The following CMTM8 variants were observed in gnomAD, a reference collection of about 807,000 sequenced individuals.
CMTM8 encodes CKLF like MARVEL transmembrane domain containing 8, also known as CKLF-like MARVEL transmembrane domain-containing protein 8.
CMTM8 carries 12 observed loss-of-function variants against 18.6 expected under a neutral mutation model. The observed-to-expected ratio is 0.65, with a 90% CI of 0.41 to 1.05. The LOEUF (loss-of-function observed/expected upper bound fraction) is 1.05. Ranked by LOEUF, CMTM8 falls within the 50% of genes least tolerant of loss-of-function variation. The pLI is 0.00. For synonymous variants in CMTM8, 87 were observed against 90.6 expected, an observed-to-expected ratio of 0.96 and a Z score of 0.23; for missense variants, 217 against 227.2, an observed-to-expected ratio of 0.95 and a Z score of 0.29.
At chr3:32,309,134 A>G (rs1047965927) in intron 1 of CMTM8, among the ~76,000 whole-genome samples, 3 of 152,024 alleles carry the variant, frequency 2.0e-5, no homozygotes, top group African/African-American at 4.8e-5. Flanking sequence ...TCATCTCCAG[A>G]CAAGCATCCT....
At position 32,334,345 on chromosome 3, in the gene CMTM8, G is replaced by A. The variant is rs550140808; in HGVS notation, c.148-23028G>A. ...CTATTGACCGAGCGTGGTGGCTCAC[G>A]CCTGTAATCCCAGCACTTTGGGAGG... On this transcript the variant is annotated intron_variant, in intron 1 of 3. Transcript: ENST00000307526. Among the ~76,000 whole-genome samples, 13 of 151,650 alleles carry A rather than the reference G, an allele frequency of 8.6e-5. 1 individual carries two copies. The East Asian group carries it at 2.4e-3, about 28-fold the overall frequency.
At chr3:32,350,070 T>C (rs945094085) in intron 1 of CMTM8, among the ~76,000 whole-genome samples, 1 of 152,062 alleles carries the variant, frequency 6.6e-6, no homozygotes, top group Non-Finnish European at 1.5e-5. Flanking sequence ...AATCCTAATC[T>C]AGAGAATAAA....
chr3:32,322,932 C>T (rs77361750), intron 1 of CMTM8, among the ~76,000 whole-genome samples: 3,747 of 152,216 alleles, frequency 0.025, 154 homozygotes, highest in African/African-American at 0.085. Flanking sequence ...CCAGAGTAGG[C>T]GTTTTATGGC....
At chr3:32,270,963 A>G (rs1468526415) in intron 1 of CMTM8, among the ~76,000 whole-genome samples, 1 of 152,164 alleles carries the variant, frequency 6.6e-6, no homozygotes, top group East Asian at 1.9e-4. Context: ...AAAGGTCACT[A>G]CTACTATCCT....
At chr3:32,288,746 C>T (rs370947904) in intron 1 of CMTM8, among the ~76,000 whole-genome samples, 1 of 152,174 alleles carries the variant, frequency 6.6e-6, no homozygotes. Context: ...GTGATATGCC[C>T]GCCTTGGCCT....
intron 1 of CMTM8, among the ~76,000 whole-genome samples, chr3:32,264,447 A>T (rs892615566): frequency 4.6e-5 from 7 of 152,246 alleles, no homozygotes; most frequent in Non-Finnish European, 1.5e-5. Context: ...AGAGCTCCTG[A>T]AGGAAGCACT....
At chr3:32,363,950 C>A (rs1295799718) in intron 2 of CMTM8, among the ~76,000 whole-genome samples, 2 of 152,192 alleles carry the variant, frequency 1.3e-5, no homozygotes, top group African/African-American at 2.4e-5. Flanking sequence ...ACCTTTTCCT[C>A]AGCCTTTGCC....
chr3:32,259,519 C>A, intron 1 of CMTM8: 1 of 783,502 alleles, frequency 1.3e-6, no homozygotes, highest in Non-Finnish European at 2.3e-6. Context: ...ACACCAATGT[C>A]ACTCGGCTGC....
At chr3:32,283,733 G>C (rs532987083) in intron 1 of CMTM8, among the ~76,000 whole-genome samples, 5 of 152,236 alleles carry the variant, frequency 3.3e-5, no homozygotes, top group Admixed American at 6.5e-5. Flanking sequence ...CACACTTGGA[G>C]AACTAAGATG....
In CMTM8 at chr3:32,367,904, G is replaced by T; in HGVS notation, c.354G>T (p.Leu118Phe). The T allele has an allele frequency of 6.2e-7, 1 of 1,614,082 alleles. No individual in the cohort carries two copies. Among genetic ancestry groups the T allele is most frequent in the Non-Finnish European group, 8.5e-7 (1 of 1,179,996 alleles). ...GCTTTAACGGCAGTGCCTTCGTCTT[G>T]TACCTCTCTGCCGCTGTTGTAGATG... ...GLCFNGSAFV[L>F]YLSAAVVDAS... Residue 118 changes from leucine (L) to phenylalanine (F), a missense_variant, in exon 3 of 4, where the codon TTG becomes TTT. Coordinates refer to ENST00000307526, the MANE Select transcript of CMTM8 (RefSeq NM_178868.5).
chr3:32,326,161 T>C lies in CMTM8; in HGVS notation c.148-31212T>C, dbSNP rs560969615. Among the ~76,000 whole-genome samples, 273 of 152,318 alleles carry C rather than the reference T, an allele frequency of 1.8e-3. 1 individual carries two copies. Among genetic ancestry groups the C allele is most frequent in the African/African-American group, 6.3e-3 (261 of 41,578 alleles). On this transcript the variant is annotated intron_variant, in intron 1 of 3. Coordinates refer to ENST00000307526, the MANE Select transcript of CMTM8 (RefSeq NM_178868.5). ...GGCAACATTGCATTGAAGCAAATCC[T>C]GCTGACTCGTCACACTCGATCGCAT...
chr3:32,246,895 A>G (rs928599358), intron 1 of CMTM8, among the ~76,000 whole-genome samples: 1 of 152,162 alleles, frequency 6.6e-6, no homozygotes, highest in African/African-American at 2.4e-5. Context: ...TGAGGTCAGG[A>G]GTTCAAGAGC....
Position 32,370,145 on chromosome 3 carries a change from G to A in CMTM8, c.*178G>A. 1 of 373,542 alleles carries A rather than the reference G, an allele frequency of 2.7e-6. No homozygotes were observed. Among genetic ancestry groups the A allele is most frequent in the South Asian group, 5.3e-5 (1 of 18,980 alleles). 23.1% of individuals were successfully genotyped at this position (373,542 alleles called of 1,614,324 possible). A position where few individuals can be genotyped will look rare whatever the true frequency, so the allele number is the denominator to read the frequency against. ...TAAACTGGATACTTATTTGCAAAGT[G>A]TTGTAGCTTATAATGAACTCTTAAG... On this transcript the variant is annotated 3_prime_UTR_variant, in exon 4 of 4. Transcript: ENST00000307526.
At chr3:32,257,205 GACCTCAAGTGATTCACCC>G (rs1439246133) in intron 1 of CMTM8, among the ~76,000 whole-genome samples, 1 of 152,168 alleles carries the variant, frequency 6.6e-6, no homozygotes, top group Non-Finnish European at 1.5e-5. Context: ...TCAAACTCCT[GACCTCAAGTGATTCACCC>G]ACCTCAGCCT....
chr3:32,253,781 T>C (rs889005427), intron 1 of CMTM8, among the ~76,000 whole-genome samples: 3 of 152,076 alleles, frequency 2.0e-5, no homozygotes, highest in African/African-American at 7.2e-5. Context: ...GGTGAGATCA[T>C]AGTACACTTC....
intron 1 of CMTM8, among the ~76,000 whole-genome samples, chr3:32,306,554 A>G (rs570875739): frequency 2.6e-5 from 4 of 152,268 alleles, no homozygotes; most frequent in African/African-American, 9.6e-5. Context: ...GTTGATTCCA[A>G]CTCTGGAAGC....
chr3:32,342,023 G>A (rs899227344), intron 1 of CMTM8, among the ~76,000 whole-genome samples: 9 of 152,134 alleles, frequency 5.9e-5, no homozygotes, highest in Admixed American at 3.9e-4. Context: ...TGAGGTGGGC[G>A]GATCACCTGA....
chr3:32,246,728 A>G (rs919848638), intron 1 of CMTM8, among the ~76,000 whole-genome samples: 3 of 152,206 alleles, frequency 2.0e-5, no homozygotes, highest in Non-Finnish European at 4.4e-5. Flanking sequence ...CTTTTAAGCT[A>G]AATCTTTCTG....
intron 1 of CMTM8, among the ~76,000 whole-genome samples, chr3:32,310,718 G>A (rs1695803212): frequency 6.7e-6 from 1 of 148,934 alleles, no homozygotes; most frequent in Admixed American, 6.7e-5. Flanking sequence ...AATAAACTAG[G>A]AAATACTCTG....
Sources: allele counts gnomAD v4.1 joint callset (sites outside exome capture counted in the v4.1 genomes callset), GRCh38; gene constraint gnomAD v4.1.1; transcripts MANE v1.5; gene names NCBI Gene and HGNC (gene_info 2026-07-23, HGNC 2026-07-21).